Variants in CLMP observed in about 807,000 individuals in gnomAD.
The protein encoded by CLMP is CXADR like cell adhesion molecule, also known as CXADR-like membrane protein.
CLMP carries 27 observed loss-of-function variants against 45.2 expected under a neutral mutation model. The observed-to-expected ratio is 0.60, with a 90% confidence interval of 0.44 to 0.82. The LOEUF (loss-of-function observed/expected upper bound fraction) is 0.82. Among genes scored for constraint, CLMP ranks in the 40% least tolerant of loss-of-function variants. The pLI, the probability that CLMP is intolerant of heterozygous loss-of-function variation, is 0.00. For synonymous variants in CLMP, 167 were observed against 171.4 expected (o/e 0.97, Z 0.20); for missense variants, 403 against 448.4 (o/e 0.90, Z 0.91).
intron 1 of CLMP, among the ~76,000 whole-genome samples, chr11:123,185,498 G>A (rs569614539): frequency 6.6e-6 from 1 of 152,310 alleles, no homozygotes; most frequent in East Asian, 1.9e-4. Context: ...CCGGGAACAG[G>A]GTGTGAGAGG....
intron 1 of CLMP, among the ~76,000 whole-genome samples, chr11:123,105,825 T>TG (rs1860537540): frequency 8.4e-6 from 1 of 118,370 alleles, no homozygotes; most frequent in African/African-American, 3.0e-5. Flanking sequence ...TGTTTTTTGT[T>TG]TTTTTTTTTT....
chr11:123,171,432 C>T (rs1219304536), intron 1 of CLMP, among the ~76,000 whole-genome samples: 24 of 143,206 alleles, frequency 1.7e-4, no homozygotes, highest in African/African-American at 6.0e-4. Flanking sequence ...TTTTTTTTTT[C>T]TTTTCTTTTC....
At chr11:123,140,139 T>C (rs1006021119) in intron 1 of CLMP, among the ~76,000 whole-genome samples, 3 of 152,194 alleles carry the variant, frequency 2.0e-5, no homozygotes, top group African/African-American at 7.2e-5. Flanking sequence ...TAAAGTTGCA[T>C]AGGCAAACAG....
chr11:123,081,090 T>A (rs777165399), intron 5 of CLMP, among the ~76,000 whole-genome samples: 91 of 151,092 alleles, frequency 6.0e-4, no homozygotes, highest in Middle Eastern at 3.4e-3. Flanking sequence ...GAGGTGGAGG[T>A]GGCAATGAGC....
intron 5 of CLMP, among the ~76,000 whole-genome samples, chr11:123,076,991 CT>C (rs869224079): frequency 0.045 from 4,436 of 99,542 alleles, 37 homozygotes; most frequent in East Asian, 0.12. Context: ...GCTATTTATT[CT>C]TTTTTTTTTT....
intron 1 of CLMP, among the ~76,000 whole-genome samples, chr11:123,152,348 C>G (rs1174052453): frequency 6.6e-6 from 1 of 151,796 alleles, no homozygotes; most frequent in African/African-American, 2.4e-5. Context: ...ATGGTAAAAC[C>G]CCGTCTCTAC....
chr11:123,154,664 G>T (rs1252927803), intron 1 of CLMP, among the ~76,000 whole-genome samples: 5 of 152,102 alleles, frequency 3.3e-5, no homozygotes, highest in Non-Finnish European at 7.4e-5. Context: ...GTCCAGGATT[G>T]AGCCCTAGTT....
chr11:123,159,973 G>C (rs1237964892), intron 1 of CLMP, among the ~76,000 whole-genome samples: 1 of 152,030 alleles, frequency 6.6e-6, no homozygotes, highest in Non-Finnish European at 1.5e-5. Context: ...GACCCTGGTG[G>C]TAAGAATTTG....
At chr11:123,118,924 TTTTC>T (rs1286802260) in intron 1 of CLMP, among the ~76,000 whole-genome samples, 1 of 135,306 alleles carries the variant, frequency 7.4e-6, no homozygotes, top group Non-Finnish European at 1.6e-5. Flanking sequence ...TTGCATTTTC[TTTTC>T]TTTTCTTTCT....
intron 1 of CLMP, among the ~76,000 whole-genome samples, chr11:123,101,139 C>T (rs759854102): frequency 5.3e-5 from 8 of 152,186 alleles, no homozygotes; most frequent in East Asian, 1.9e-4. Flanking sequence ...GATGGAGTCT[C>T]GCTCTGTCAC....
rs193104696 is a variant in CLMP, at chr11:123,110,249, T to A, written c.29-12297A>T. On this transcript the variant is annotated intron_variant, in intron 1 of 6. Coordinates refer to ENST00000448775, the MANE Select transcript of CLMP (RefSeq NM_024769.5). ...GGTGGGCAGATCACAAGGTCAGGAG[T>A]TCGAGACCAGCCTGCCCAACATGGT... Among the ~76,000 whole-genome samples, 881 of 151,662 alleles carry A rather than the reference T, an allele frequency of 5.8e-3. 7 individuals are homozygous for A. Among genetic ancestry groups the A allele is most frequent in the African/African-American group, 0.019 (791 of 41,344 alleles).
intron 1 of CLMP, among the ~76,000 whole-genome samples, chr11:123,167,303 T>G (rs1330817305): frequency 6.6e-6 from 1 of 152,162 alleles, no homozygotes; most frequent in Non-Finnish European, 1.5e-5. Context: ...TTCTTTCTTT[T>G]GAGACGGAGT....
At chr11:123,172,355 C>T (rs1363492034) in intron 1 of CLMP, among the ~76,000 whole-genome samples, 1 of 152,196 alleles carries the variant, frequency 6.6e-6, no homozygotes, top group Non-Finnish European at 1.5e-5. Context: ...TTGTGATCCA[C>T]CTGCCTCGAT....
chr11:123,148,905 C>T (rs958415809), intron 1 of CLMP, among the ~76,000 whole-genome samples: 1 of 152,218 alleles, frequency 6.6e-6, no homozygotes, highest in Admixed American at 6.5e-5. Flanking sequence ...CTAGAAACAT[C>T]TGCCTCTTTT....
intron 5 of CLMP, among the ~76,000 whole-genome samples, chr11:123,081,165 A>T (rs1459092919): frequency 1.3e-5 from 2 of 151,146 alleles, no homozygotes. Flanking sequence ...AAAAACAAAA[A>T]ACAAAAAAAA....
chr11:123,135,745 G>A (rs1438139340), intron 1 of CLMP, among the ~76,000 whole-genome samples: 1 of 152,178 alleles, frequency 6.6e-6, no homozygotes, highest in African/African-American at 2.4e-5. Flanking sequence ...TATTGTCGCA[G>A]ATACTAGTTT....
At chr11:123,156,777 CCTT>C (rs34091777) in intron 1 of CLMP, among the ~76,000 whole-genome samples, 28,136 of 152,106 alleles carry the variant, frequency 0.18, 2,784 homozygotes, top group South Asian at 0.25. Context: ...AAATGTGCTT[CCTT>C]CTTCTTCCCA....
intron 1 of CLMP, among the ~76,000 whole-genome samples, chr11:123,145,467 T>TG (rs1565396113): frequency 1.0e-3 from 77 of 74,666 alleles, no homozygotes; most frequent in African/African-American, 5.3e-3. Context: ...TTTTTTTTTT[T>TG]TTTTTTTTTT....
At chr11:123,154,059 C>T (rs1861379077) in intron 1 of CLMP, among the ~76,000 whole-genome samples, 1 of 152,054 alleles carries the variant, frequency 6.6e-6, no homozygotes, top group Admixed American at 6.6e-5. Flanking sequence ...TGGGATTGGA[C>T]ACCTATCATA....
Sources: gnomAD v4.1 joint callset for allele counts (sites outside exome capture counted in the v4.1 genomes callset) on GRCh38, gnomAD v4.1.1 for gene constraint, MANE v1.5 for transcripts, NCBI Gene and HGNC (gene_info 2026-07-23, HGNC 2026-07-21) for gene names.